Variants in ATG14 observed in about 807,000 individuals in gnomAD.
The protein encoded by ATG14 is autophagy related 14.
Under a neutral mutation model 60.4 loss-of-function variants are expected in ATG14, and 35 were observed. That is an observed-to-expected ratio of 0.58 (90% CI 0.44 to 0.77). The LOEUF is 0.77. ATG14 is among the 30% of genes least tolerant of loss of function. The pLI is 0.00. For synonymous variants in ATG14, 234 were observed against 228.8 expected (o/e 1.02, Z -0.21); for missense variants, 647 against 626.3 (o/e 1.03, Z -0.35).
At chr14:55,404,839 A>G (rs978796468) in intron 1 of ATG14, among the ~76,000 whole-genome samples, 3 of 152,208 alleles carry the variant, frequency 2.0e-5, no homozygotes, top group Non-Finnish European at 2.9e-5. Flanking sequence ...TGAACTTAAG[A>G]TTAGTATAAC....
chr14:55,370,931 A>T (rs1475628446), intron 9 of ATG14, among the ~76,000 whole-genome samples: 3 of 152,034 alleles, frequency 2.0e-5, no homozygotes, highest in Admixed American at 2.0e-4. Flanking sequence ...GTGAGCCACC[A>T]CGCCCGGCCG....
chr14:55,393,178 G>A (rs1167147360), intron 3 of ATG14, among the ~76,000 whole-genome samples: 5 of 152,120 alleles, frequency 3.3e-5, no homozygotes, highest in South Asian at 4.2e-4. Context: ...TCAGGAGATT[G>A]AGACCATCCT....
Position 55,397,423 on chromosome 14 carries a change from T to C in ATG14, c.233A>G (p.Lys78Arg), listed in dbSNP as rs767440709. The C allele has an allele frequency of 6.2e-7, 1 of 1,612,906 alleles. No individual in the cohort carries two copies. The highest frequency in any genetic ancestry group is 1.1e-5 in the South Asian group (1 of 91,038). Residue 78 changes from lysine (K) to arginine (R), a missense_variant, in exon 2 of 10, where the codon AAG becomes AGG. Coordinates refer to ENST00000247178, the MANE Select transcript of ATG14 (RefSeq NM_014924.5). ...DGRDRERFID[K>R]KERLSRLKSK... is the part of the protein sequence containing the mutation. Reference sequence around the variant, plus strand: ...CTTAAGTCGGCTTAACCTTTCCTTCTTGTCGATAAACCTGTAACAAAAAAA... The same window carrying C: ...CTTAAGTCGGCTTAACCTTTCCTTCCTGTCGATAAACCTGTAACAAAAAAA...
chr14:55,385,651 G>A (rs1885112272), intron 5 of ATG14, among the ~76,000 whole-genome samples: 1 of 152,214 alleles, frequency 6.6e-6, no homozygotes, highest in African/African-American at 2.4e-5. Context: ...CTCTAGGACA[G>A]TACACAAGTG....
At chr14:55,381,492 A>C (rs190387641) in intron 6 of ATG14, among the ~76,000 whole-genome samples, 1 of 152,374 alleles carries the variant, frequency 6.6e-6, no homozygotes, top group African/African-American at 2.4e-5. Flanking sequence ...CATCTAAAAA[A>C]TGTTTTCAGT....
At chr14:55,406,110 T>C (rs1289009587) in intron 1 of ATG14, among the ~76,000 whole-genome samples, 1 of 152,254 alleles carries the variant, frequency 6.6e-6, no homozygotes, top group Non-Finnish European at 1.5e-5. Context: ...CATGGTTCCC[T>C]TCTTAAGAGT....
intron 4 of ATG14, among the ~76,000 whole-genome samples, chr14:55,390,435 G>A (rs1332883147): frequency 4.6e-5 from 7 of 151,004 alleles, no homozygotes; most frequent in Admixed American, 6.6e-5. Flanking sequence ...GTGCAGTGGC[G>A]CAATCTCAGC....
rs1422948283 is a variant in ATG14 at position 55,366,783 on chromosome 14, TTAAAC to T, written c.*2831_*2835del. On this transcript the variant is annotated 3_prime_UTR_variant, in exon 10 of 10. Coordinates refer to ENST00000247178, the MANE Select transcript of ATG14 (RefSeq NM_014924.5). ...ATGACCAAGTTCTATGGCTTTTTGT[TTAAAC>T]AAAATACCAGCTTCAATTTTTTAAA... 6.5e-6 allele frequency: 1 copy of T among 152,674 alleles called. No individual in the cohort carries two copies. The highest frequency in any genetic ancestry group is 2.4e-5 in the African/African-American group (1 of 41,468). The allele number at this position is 152,674 out of a possible 1,614,324, so 9.5% of individuals were successfully genotyped here.
At chr14:55,388,384 T>C (rs1885160062) in intron 4 of ATG14, among the ~76,000 whole-genome samples, 1 of 152,210 alleles carries the variant, frequency 6.6e-6, no homozygotes, top group Non-Finnish European at 1.5e-5. Flanking sequence ...TCACCTCATC[T>C]GCACCCAGTG....
chr14:55,380,875 A>ATTTTT (rs1170779991), intron 6 of ATG14, among the ~76,000 whole-genome samples, 185 bp from the exon 7 acceptor site: 7 of 112,702 alleles, frequency 6.2e-5, no homozygotes, highest in African/African-American at 2.7e-4. Flanking sequence ...ATATATATAT[A>ATTTTT]TTTTTTTTTT....
At chr14:55,408,459 C>G (rs966057101) in intron 1 of ATG14, among the ~76,000 whole-genome samples, 14 of 151,754 alleles carry the variant, frequency 9.2e-5, no homozygotes, top group South Asian at 2.1e-4. Context: ...TCCCCTCCCC[C>G]CTCAAACAAA....
chr14:55,411,078 G>T (rs1444216589), intron 1 of ATG14, among the ~76,000 whole-genome samples: 5 of 152,110 alleles, frequency 3.3e-5, no homozygotes, highest in Non-Finnish European at 7.3e-5. Context: ...AGGGGAAAGG[G>T]GCGTTAACAG....
At chr14:55,395,309 C>T (rs1885294890) in intron 3 of ATG14, 1 of 271,808 alleles carries the variant, frequency 3.7e-6, no homozygotes, top group African/African-American at 2.3e-5. Flanking sequence ...GCCGGGCTGC[C>T]TGGCTGCTGC....
intron 1 of ATG14, among the ~76,000 whole-genome samples, chr14:55,402,929 ATATATATAT>A (rs1885428640): frequency 2.4e-4 from 4 of 16,368 alleles, no homozygotes; most frequent in South Asian, 5.2e-3. Flanking sequence ...AAAAAAAAAT[ATATATATAT>A]ATATATATAT....
intron 9 of ATG14, 147 bp downstream of exon 9, chr14:55,377,672 C>T (rs1231173049): frequency 4.3e-6 from 2 of 467,762 alleles, no homozygotes; most frequent in African/African-American, 2.0e-5. Context: ...ATATAATTAC[C>T]TTTGTTTCTT....
At chr14:55,410,794 C>G (rs1476129404) in intron 1 of ATG14, among the ~76,000 whole-genome samples, 1 of 152,212 alleles carries the variant, frequency 6.6e-6, no homozygotes, top group Non-Finnish European at 1.5e-5. Flanking sequence ...TTTTTGTGCT[C>G]AGAATGCTAG....
At chr14:55,392,154 G>A (rs538763486) in intron 3 of ATG14, among the ~76,000 whole-genome samples, 21 of 152,256 alleles carry the variant, frequency 1.4e-4, no homozygotes, top group South Asian at 1.0e-3. Context: ...CCTCGCATGT[G>A]CAGTCCATAA....
intron 2 of ATG14, 66 bp downstream of exon 2, chr14:55,397,306 C>T (rs1885329214): frequency 1.5e-6 from 2 of 1,317,590 alleles, no homozygotes; most frequent in Non-Finnish European, 2.2e-6. Context: ...CATACCACAG[C>T]ACTGAATTCA....
Position 55,366,656 on chromosome 14 carries a change from C to G in ATG14, c.*2963G>C, listed in dbSNP as rs1009810175. The G allele has an allele frequency of 6.6e-6, 1 of 152,224 alleles. No homozygotes were observed. Among genetic ancestry groups the G allele is most frequent in the African/African-American group, 2.4e-5 (1 of 41,298 alleles). The allele number at this position is 152,224 out of a possible 1,614,324, so 9.4% of individuals were successfully genotyped here. ...GCAAAACTTTTCTTATATTCCATAA[C>G]CAAAAAATGTCTTTAACAGACCATT... On this transcript the variant is annotated 3_prime_UTR_variant, in exon 10 of 10. Transcript: ENST00000247178.
Sources: allele counts gnomAD v4.1 joint callset (sites outside exome capture counted in the v4.1 genomes callset), GRCh38; gene constraint gnomAD v4.1.1; transcripts MANE v1.5; gene names NCBI Gene and HGNC (gene_info 2026-07-23, HGNC 2026-07-21).